RASSF5: variants seen among roughly 807,000 people sequenced by gnomAD.
The protein encoded by RASSF5 is Ras association domain family member 5, also known as ras association domain-containing protein 5.
In RASSF5, 25 loss-of-function variants were observed where a neutral mutation model predicts 40.5. The ratio of observed to expected loss-of-function variants is 0.62; its 90% CI spans 0.45 to 0.86. RASSF5 has a LOEUF of 0.86. Among genes scored for constraint, RASSF5 ranks in the 40% least tolerant of loss-of-function variants. The pLI, the probability that RASSF5 is intolerant of heterozygous loss-of-function variation, is 0.00. For missense variants in RASSF5, 521 were observed against 572.8 expected, an observed-to-expected ratio of 0.91 and a Z score of 0.92; for synonymous variants, 246 against 252.4, an observed-to-expected ratio of 0.97 and a Z score of 0.24.
intron 2 of RASSF5, among the ~76,000 whole-genome samples, chr1:206,567,176 G>A (rs1422693638): frequency 6.6e-6 from 1 of 152,206 alleles, no homozygotes; most frequent in Non-Finnish European, 1.5e-5. Flanking sequence ...GAAGGGGGTA[G>A]GCAGGGCTGG....
chr1:206,586,589 C>T (rs1669120491), intron 5 of RASSF5: 1 of 428,198 alleles, frequency 2.3e-6, no homozygotes, highest in African/African-American at 2.0e-5. Context: ...AAAATAAAAA[C>T]ATGGTTCATA....
intron 2 of RASSF5, among the ~76,000 whole-genome samples, chr1:206,558,778 G>A (rs1668064875): frequency 1.3e-5 from 2 of 152,186 alleles, no homozygotes; most frequent in Non-Finnish European, 2.9e-5. Context: ...ACTAAAATAG[G>A]CCCCTGTAAC....
At chr1:206,574,439 G>A (rs1329044363) in intron 2 of RASSF5, among the ~76,000 whole-genome samples, 3 of 152,242 alleles carry the variant, frequency 2.0e-5, no homozygotes, top group Admixed American at 1.3e-4. Context: ...TACTACTGGC[G>A]GACTGTTGAC....
intron 2 of RASSF5, chr1:206,557,463 T>C (rs1553401931): frequency 6.5e-7 from 1 of 1,534,908 alleles, no homozygotes; most frequent in East Asian, 2.3e-5. Flanking sequence ...GGCTCAGAGC[T>C]AGGGGCTTAC....
chr1:206,520,606 C>CAAAAA (rs548392441), intron 1 of RASSF5, among the ~76,000 whole-genome samples: 17 of 119,686 alleles, frequency 1.4e-4, no homozygotes, highest in Non-Finnish European at 2.4e-4. Context: ...GACTCCATCT[C>CAAAAA]AAAAAAAAAA....
chr1:206,538,087 T>G (rs782631858), intron 1 of RASSF5, 85 bp from the exon 2 acceptor site: 2 of 1,580,868 alleles, frequency 1.3e-6, no homozygotes, highest in African/African-American at 1.3e-5. Flanking sequence ...TGGGAACTAA[T>G]GCAATCTCCA....
chr1:206,585,218 T>C lies in RASSF5; in HGVS notation c.1027T>C (p.Tyr343His). The C allele has an allele frequency of 6.2e-7, 1 of 1,614,130 alleles. No homozygotes were observed. The highest frequency in any genetic ancestry group is 8.5e-7 in the Non-Finnish European group (1 of 1,179,992). The change falls in exon 5 of 6, where the codon TAC (tyrosine) becomes CAC (histidine). Residue 343 changes from tyrosine (Y) to histidine (H), a missense_variant. Tyr to His is a moderately conservative substitution (Grantham distance 83). Transcript: ENST00000579436. ...QKLSIADRPL[Y>H]LRLLAGPDTE... ...ACTCTCCATTGCTGACCGCCCCCTCTACCTGCGCCTGCTTGCTGGGCCTGA... is the reference window on the plus strand; with the variant it reads ...ACTCTCCATTGCTGACCGCCCCCTCCACCTGCGCCTGCTTGCTGGGCCTGA...
At chr1:206,516,847 G>A (rs1666759810) in intron 1 of RASSF5, among the ~76,000 whole-genome samples, 2 of 152,168 alleles carry the variant, frequency 1.3e-5, no homozygotes, top group African/African-American at 2.4e-5. Flanking sequence ...GCTCAGCCAG[G>A]CAGGACTTCC....
chr1:206,523,584 C>G (rs1379543033), intron 1 of RASSF5, among the ~76,000 whole-genome samples: 7 of 90,298 alleles, frequency 7.8e-5, no homozygotes, highest in African/African-American at 3.4e-4. Flanking sequence ...GAGCAAGACT[C>G]TGTCTTAAAA....
intron 2 of RASSF5, among the ~76,000 whole-genome samples, chr1:206,538,745 C>A (rs1667477159): frequency 6.6e-6 from 1 of 152,194 alleles, no homozygotes; most frequent in Admixed American, 6.5e-5. Flanking sequence ...AATTGATGTC[C>A]AAAGCAGCTT....
At chr1:206,528,765 C>T (rs1350114156) in intron 1 of RASSF5, 1 of 308,100 alleles carries the variant, frequency 3.2e-6, no homozygotes, top group Non-Finnish European at 5.8e-6. Context: ...TAGCCAGGCA[C>T]AGTGTCTCAC....
chr1:206,537,015 A>T (rs553899376), intron 1 of RASSF5, among the ~76,000 whole-genome samples: 33 of 150,876 alleles, frequency 2.2e-4, no homozygotes, highest in Non-Finnish European at 3.8e-4. Flanking sequence ...TGTCTTCACT[A>T]CCCCCCACCC....
intron 2 of RASSF5, among the ~76,000 whole-genome samples, chr1:206,558,951 T>TTA (rs1553402219): frequency 6.6e-6 from 1 of 152,170 alleles, no homozygotes; most frequent in African/African-American, 2.4e-5. Flanking sequence ...CGTGGGGTTC[T>TTA]TGCCGCGTGG....
At chr1:206,557,757 G>T in intron 2 of RASSF5, 1 of 1,564,572 alleles carries the variant, frequency 6.4e-7, no homozygotes. Context: ...GGTCAATCTA[G>T]AAGGGAAACC....
Position 206,585,242 on chromosome 1 carries a change from G to A in RASSF5, c.1051G>A (p.Asp351Asn), listed in dbSNP as rs782292608. Reference protein sequence around the residue: ...PLYLRLLAGPDTEVLSFVLKE... With the variant: ...PLYLRLLAGPNTEVLSFVLKE... The stretch of plus-strand genomic sequence containing the variant: ...CTACCTGCGCCTGCTTGCTGGGCCT[G>A]ACACGGAGGTCCTCAGCTTTGTGCT... Residue 351 changes from aspartate to asparagine, a missense_variant, in exon 5 of 6, where the codon GAC (aspartate) becomes AAC (asparagine). This residue lies in a region of RASSF5 where 284 missense variants were observed against 360.8 expected (regional missense o/e 0.79). Transcript: ENST00000579436. 9.3e-6 allele frequency: 15 copies of A among 1,614,072 alleles called. No homozygotes were observed. In the East Asian group the frequency reaches 1.8e-4, roughly 19 times the overall value.
chr1:206,568,793 A>G (rs1167711294), intron 2 of RASSF5, among the ~76,000 whole-genome samples: 1 of 152,178 alleles, frequency 6.6e-6, no homozygotes, highest in Non-Finnish European at 1.5e-5. Flanking sequence ...ACTCTACATA[A>G]AGCTGAGGAA....
chr1:206,549,645 C>G (rs914617578), intron 2 of RASSF5, among the ~76,000 whole-genome samples: 1 of 152,170 alleles, frequency 6.6e-6, no homozygotes, highest in Non-Finnish European at 1.5e-5. Flanking sequence ...GTTCTAGGAC[C>G]CAGTTAAATT....
At chr1:206,559,040 T>C (rs1303498153) in intron 2 of RASSF5, among the ~76,000 whole-genome samples, 2 of 152,210 alleles carry the variant, frequency 1.3e-5, no homozygotes, top group East Asian at 3.8e-4. Flanking sequence ...AGCTACACAC[T>C]GGATTCACAG....
In RASSF5 at chr1:206,587,084, G is replaced by A. The variant is rs1669149215; in HGVS notation, c.*106G>A. The A allele has an allele frequency of 1.4e-6, 2 of 1,399,766 alleles. No homozygotes were observed. Among genetic ancestry groups the A allele is most frequent in the Middle Eastern group, 2.4e-4 (1 of 4,118 alleles). 86.7% of individuals were successfully genotyped at this position (1,399,766 alleles called of 1,614,324 possible). A position where few individuals can be genotyped will look rare whatever the true frequency, so the allele number is the denominator to read the frequency against. On this transcript the variant is annotated 3_prime_UTR_variant, in exon 6 of 6. Transcript: ENST00000579436. ...CAGGACATCTCTGGCAGGTGCATTT[G>A]TGCCTGCCCAGCAGTTCCAGCTGTG... is the stretch of plus-strand genomic sequence containing the variant.
Sources: allele counts gnomAD v4.1 joint callset (sites outside exome capture counted in the v4.1 genomes callset), GRCh38; gene constraint gnomAD v4.1.1; regional missense constraint gnomAD v4.1.1; transcripts MANE v1.5; gene names NCBI Gene and HGNC (gene_info 2026-07-23, HGNC 2026-07-21).